ZBTB25: variants seen among roughly 807,000 people sequenced by gnomAD.
ZBTB25 encodes zinc finger and BTB domain-containing protein 25.
A neutral mutation model predicts 34.2 loss-of-function variants in ZBTB25; 20 were observed. The ratio of observed to expected loss-of-function variants is 0.58; its 90% confidence interval spans 0.41 to 0.85. The LOEUF (loss-of-function observed/expected upper bound fraction) is 0.85, where lower values mean the gene tolerates loss of function less well. Among genes scored for constraint, ZBTB25 ranks in the 40% least tolerant of loss-of-function variants. The pLI, the probability that ZBTB25 is intolerant of heterozygous loss-of-function variation, is 0.00. For missense variants in ZBTB25, 437 were observed against 521.8 expected, an observed-to-expected ratio of 0.84 and a Z score of 1.58; for synonymous variants, 175 against 186.4, an observed-to-expected ratio of 0.94 and a Z score of 0.50.
chr14:64,492,117 C>CAAAAAAAAAAAAAAAAAA (rs58321068), intron 1 of ZBTB25, among the ~76,000 whole-genome samples: 4 of 74,016 alleles, frequency 5.4e-5, no homozygotes, highest in Non-Finnish European at 9.8e-5. Context: ...GACCCTATCT[C>CAAAAAAAAAAAAAAAAAA]AAAAAAAAAA....
intron 1 of ZBTB25, among the ~76,000 whole-genome samples, chr14:64,493,918 T>G (rs962774790): frequency 6.6e-6 from 1 of 151,290 alleles, no homozygotes; most frequent in Non-Finnish European, 1.5e-5. Flanking sequence ...CTACCAGGTA[T>G]CTAAGTAGAA....
At chr14:64,464,084 C>A (rs1012644787) in intron 2 of ZBTB25, among the ~76,000 whole-genome samples, 1 of 150,728 alleles carries the variant, frequency 6.6e-6, no homozygotes, top group South Asian at 2.1e-4. Context: ...CCCAGGCTGG[C>A]GTGCAGTGGT....
chr14:64,503,315 G>A lies in ZBTB25; in HGVS notation c.-8+346C>T. On this transcript the variant is annotated intron_variant, in intron 1 of 2. Transcript: ENST00000608382. ...AGAGGGGTCGGCGCTACCCGAGGGA[G>A]GCCGCAGGCCTACTGGGGTTTCCTG... The A allele has an allele frequency of 3.0e-6, 3 of 985,438 alleles. No homozygotes were observed. The African/African-American group carries it at 5.2e-5, about 17-fold the overall frequency. 61.0% of individuals were successfully genotyped at this position (985,438 alleles called of 1,614,324 possible).
At chr14:64,454,324 G>A (rs1413930335) in intron 2 of ZBTB25, among the ~76,000 whole-genome samples, 5 of 152,066 alleles carry the variant, frequency 3.3e-5, no homozygotes, top group Admixed American at 6.6e-5. Context: ...TGTTGCCCAG[G>A]CTGGTCTTGA....
Position 64,487,383 on chromosome 14 carries a change from T to A in ZBTB25, c.848A>T (p.His283Leu). The change falls in exon 3 of 3, where the codon CAT becomes CTT. Residue 283 changes from histidine (H) to leucine (L), a missense_variant. His to Leu is a moderately conservative substitution (Grantham distance 99). Transcript: ENST00000608382. ...ILESNDLGEV[H>L]PLNENSEALE... The stretch of plus-strand genomic sequence containing the variant: ...GGCCTCGCTGTTTTCATTAAGGGGA[T>A]GCACTTCACCAAGGTCATTACTTTC... 6.2e-7 allele frequency: 1 copy of A among 1,614,154 alleles called. No homozygotes were observed. Among genetic ancestry groups the A allele is most frequent in the Non-Finnish European group, 8.5e-7 (1 of 1,180,030 alleles).
intron 2 of ZBTB25, chr14:64,468,838 A>T: frequency 6.2e-7 from 1 of 1,614,186 alleles, no homozygotes; most frequent in Admixed American, 1.7e-5. Context: ...TAGAAGACTC[A>T]GACTGCAGCA....
chr14:64,475,777 G>C (rs1445843360), downstream of ZBTB25, among the ~76,000 whole-genome samples: 1 of 152,106 alleles, frequency 6.6e-6, no homozygotes, highest in Non-Finnish European at 1.5e-5. Flanking sequence ...GTGTGGCGCC[G>C]CGTCTGGGAA....
chr14:64,455,118 T>A (rs2078447974), intron 2 of ZBTB25: 3 of 496,722 alleles, frequency 6.0e-6, no homozygotes, highest in Non-Finnish European at 1.1e-5. Flanking sequence ...AATAAAAAAT[T>A]CTGTTTCCCA....
At chr14:64,497,342 T>C (rs2079312802) in intron 1 of ZBTB25, among the ~76,000 whole-genome samples, 1 of 152,234 alleles carries the variant, frequency 6.6e-6, no homozygotes. Flanking sequence ...ACTTTTTGTA[T>C]AGCCTTTGCT....
Position 64,468,660 on chromosome 14 carries a change from G to C in ZBTB25, c.174-19022C>G. ...TCACTCAAACGTCTTGTAACACGCA[G>C]GAAAAGGTCAGAGTCTTCAAAGCAG... On this transcript the variant is annotated intron_variant, in intron 2 of 2. Coordinates refer to the ZBTB25 transcript ENST00000555220. 6.2e-7 allele frequency: 1 copy of C among 1,613,976 alleles called. No individual in the cohort carries two copies. The highest frequency in any genetic ancestry group is 8.5e-7 in the Non-Finnish European group (1 of 1,180,034).
At chr14:64,463,671 C>T (rs1394489126) in intron 2 of ZBTB25, among the ~76,000 whole-genome samples, 1 of 150,790 alleles carries the variant, frequency 6.6e-6, no homozygotes, top group Admixed American at 6.6e-5. Context: ...TGGTCGCATA[C>T]CTGTGGTCCC....
chr14:64,459,604 A>G (rs2078529888), intron 2 of ZBTB25, among the ~76,000 whole-genome samples: 1 of 152,214 alleles, frequency 6.6e-6, no homozygotes, highest in African/African-American at 2.4e-5. Context: ...TTTCAAGTCC[A>G]TTTATGGACA....
intron 2 of ZBTB25, among the ~76,000 whole-genome samples, chr14:64,451,894 T>C (rs1596562456): frequency 6.6e-6 from 1 of 152,256 alleles, no homozygotes; most frequent in South Asian, 2.1e-4. Context: ...AAAGTCCTTA[T>C]TGAATGTTCA....
At chr14:64,499,917 G>C (rs1172144080) in intron 1 of ZBTB25, among the ~76,000 whole-genome samples, 1 of 152,210 alleles carries the variant, frequency 6.6e-6, no homozygotes. Context: ...ACTGGGAAAC[G>C]TTAGTTTGGG....
In ZBTB25 at chr14:64,483,477, C is replaced by G. The variant is rs949030868; in HGVS notation, c.*3446G>C. The G allele has an allele frequency of 3.3e-5, 5 of 152,038 alleles. No individual in the cohort carries two copies. Among genetic ancestry groups the G allele is most frequent in the Non-Finnish European group, 5.9e-5 (4 of 68,084 alleles). 9.4% of individuals were successfully genotyped at this position (152,038 alleles called of 1,614,324 possible). A position where few individuals can be genotyped will look rare whatever the true frequency, so the allele number is the denominator to read the frequency against. On this transcript the variant is annotated 3_prime_UTR_variant, in exon 3 of 3. Transcript: ENST00000608382. ...TATTTTTAGTAGAGACGCGGTTTCA[C>G]TGTGTTAGCCAGGATGGTCTGGATC...
intron 2 of ZBTB25, chr14:64,455,206 T>A (rs550096385): frequency 5.5e-6 from 2 of 361,998 alleles, no homozygotes; most frequent in East Asian, 1.4e-4. Context: ...TCACAGTTAA[T>A]GTTTATTGGG....
At chr14:64,468,491 T>C (rs1392419713) in intron 2 of ZBTB25, 2 of 1,613,912 alleles carry the variant, frequency 1.2e-6, no homozygotes, top group African/African-American at 1.3e-5. Context: ...GGAAAAGGCA[T>C]CCATGCTTTG....
chr14:64,469,865 C>T, intron 2 of ZBTB25: 1 of 525,344 alleles, frequency 1.9e-6, no homozygotes. Context: ...AATGCAGTCA[C>T]TTCTGGATTG....
Position 64,482,526 on chromosome 14 carries a change from T to C in ZBTB25, c.*4397A>G, listed in dbSNP as rs1323927459. 3.9e-5 allele frequency: 6 copies of C among 152,236 alleles called. No individual in the cohort carries two copies. The highest frequency in any genetic ancestry group is 1.2e-4 in the African/African-American group (5 of 41,460). 9.4% of individuals were successfully genotyped at this position (152,236 alleles called of 1,614,324 possible). A position where few individuals can be genotyped will look rare whatever the true frequency, so the allele number is the denominator to read the frequency against. ...CTTTGTGTAAACAAAAACAATATATTTGGGAGAACTTTCAATAAAGCTGAA... is the reference window on the plus strand; with the variant it reads ...CTTTGTGTAAACAAAAACAATATATCTGGGAGAACTTTCAATAAAGCTGAA... On this transcript the variant is annotated 3_prime_UTR_variant, in exon 3 of 3. Coordinates refer to ENST00000608382, the MANE Select transcript of ZBTB25 (RefSeq NM_006977.5).
Sources: allele counts gnomAD v4.1 joint callset (sites outside exome capture counted in the v4.1 genomes callset), GRCh38; gene constraint gnomAD v4.1.1; transcripts MANE v1.5; gene names NCBI Gene and HGNC (gene_info 2026-07-23, HGNC 2026-07-21).